The following PLAC1 variants were observed in gnomAD, a reference collection of about 807,000 sequenced individuals.
PLAC1 encodes placenta associated 1.
For missense variants in PLAC1, 136 were observed against 163.2 expected, an observed-to-expected ratio of 0.83 and a Z score of 0.91; for synonymous variants, 68 against 62.1, an observed-to-expected ratio of 1.09 and a Z score of -0.44.
At chrX:134,672,405 T>C (rs2078458716) in intron 2 of PLAC1, among the ~76,000 whole-genome samples, 2 of 111,919 alleles carry the variant, frequency 1.8e-5, no homozygotes, top group African/African-American at 3.3e-5. Flanking sequence ...CTGAGTTCTC[T>C]TGTGTACTTC....
At chrX:134,628,117 G>C (rs1264946376) in intron 1 of PLAC1, among the ~76,000 whole-genome samples, 1 of 112,168 alleles carries the variant, frequency 8.9e-6, no homozygotes, top group Non-Finnish European at 1.9e-5. Flanking sequence ...CATCGTAAGT[G>C]CTCAATAAAT....
At chrX:134,684,779 G>A (rs1385386595) in intron 2 of PLAC1, among the ~76,000 whole-genome samples, 1 of 112,175 alleles carries the variant, frequency 8.9e-6, no homozygotes, top group Non-Finnish European at 1.9e-5. Context: ...ATTTCTGCCA[G>A]CATAATGGCT....
At chrX:134,608,734 G>A (rs1274750017) in intron 1 of PLAC1, among the ~76,000 whole-genome samples, 2 of 103,819 alleles carry the variant, frequency 1.9e-5, no homozygotes, top group Non-Finnish European at 2.0e-5. Flanking sequence ...GGAGTGCAGT[G>A]GCGCCATCTC....
intron 2 of PLAC1, among the ~76,000 whole-genome samples, chrX:134,692,729 C>T (rs930311300): frequency 2.1e-4 from 24 of 111,637 alleles, no homozygotes; most frequent in Admixed American, 2.0e-3. Context: ...TCAGAGTCCA[C>T]AATGTGCTAA....
Position 134,622,188 on chromosome X carries a change from C to T in PLAC1, c.-130-20066G>A, listed in dbSNP as rs1157603771. On this transcript the variant is annotated intron_variant, in intron 1 of 2. Coordinates refer to ENST00000359237, the MANE Select transcript of PLAC1 (RefSeq NM_021796.4). ...GACCAAAATGGTGCCGAGACAGCCA[C>T]AATGTTGTTTAGAAAAAAGAAAGGA... Among the ~76,000 whole-genome samples, 3 of 111,662 alleles carry T rather than the reference C, an allele frequency of 2.7e-5. 1 individual carries two copies. Among genetic ancestry groups the T allele is most frequent in the Non-Finnish European group, 5.6e-5 (3 of 53,162 alleles).
intron 2 of PLAC1, among the ~76,000 whole-genome samples, chrX:134,676,205 G>A (rs1008704098): frequency 4.5e-5 from 5 of 111,388 alleles, no homozygotes; most frequent in Non-Finnish European, 1.9e-5. Flanking sequence ...TTGGCCCGGG[G>A]CCTCATTGGA....
intron 1 of PLAC1, among the ~76,000 whole-genome samples, chrX:134,628,324 A>G (rs753063088): frequency 5.4e-5 from 6 of 111,960 alleles, no homozygotes; most frequent in African/African-American, 1.9e-4. Flanking sequence ...AAGGCTGTGC[A>G]TCTCTCTTGT....
At chrX:134,574,071 GTCTC>G (rs757647872) in intron 2 of PLAC1, among the ~76,000 whole-genome samples, 76 of 99,801 alleles carry the variant, frequency 7.6e-4, no homozygotes, top group Middle Eastern at 4.9e-3. Context: ...CTCTCTCTCT[GTCTC>G]TCTCTCTCTC....
At chrX:134,598,940 T>C (rs191938636) in intron 2 of PLAC1, among the ~76,000 whole-genome samples, 94 of 111,624 alleles carry the variant, frequency 8.4e-4, no homozygotes, top group African/African-American at 2.9e-3. Flanking sequence ...AAGATTATAC[T>C]AGAAAAACCC....
At chrX:134,621,357 A>G (rs2078209135) in intron 1 of PLAC1, among the ~76,000 whole-genome samples, 1 of 102,542 alleles carries the variant, frequency 9.8e-6, no homozygotes, top group South Asian at 4.9e-4. Flanking sequence ...GAGGCAGGAG[A>G]ATCGCTTGAA....
chrX:134,683,549 T>G (rs1201312563), intron 2 of PLAC1, among the ~76,000 whole-genome samples: 1 of 111,806 alleles, frequency 8.9e-6, no homozygotes, highest in Non-Finnish European at 1.9e-5. Context: ...GAACCATTTA[T>G]CTTTCTCTGC....
chrX:134,638,803 G>A (rs1230656678), intron 1 of PLAC1, among the ~76,000 whole-genome samples: 1 of 110,427 alleles, frequency 9.1e-6, no homozygotes, highest in Non-Finnish European at 1.9e-5. Flanking sequence ...TTTATTTTAG[G>A]TTCAGGAGTA....
At chrX:134,751,814 T>C (rs2078745580) in intron 1 of PLAC1, among the ~76,000 whole-genome samples, 1 of 112,320 alleles carries the variant, frequency 8.9e-6, no homozygotes, top group South Asian at 3.7e-4. Context: ...CACTTGCCTT[T>C]AACTATCTGC....
rs112579469 is a variant in PLAC1 at position 134,611,852 on chromosome X, C to T, written c.-130-9730G>A. 8.9e-3 allele frequency among the ~76,000 whole-genome samples: 985 copies of T among 111,039 alleles called. 4 individuals carry two copies. The highest frequency in any genetic ancestry group is 0.03 in the African/African-American group (913 of 30,482). On this transcript the variant is annotated intron_variant, in intron 1 of 2. Transcript: ENST00000359237. ...GCCCAACTCTAGGTCACACTTGAAC[C>T]CCTGGGCTTAGAAGCAGCTCCATGG...
At chrX:134,756,700 T>A (rs1389653529) in intron 1 of PLAC1, among the ~76,000 whole-genome samples, 1 of 109,524 alleles carries the variant, frequency 9.1e-6, no homozygotes, top group African/African-American at 3.3e-5. Context: ...ATACAAAAAA[T>A]TGGCCAGGCG....
At chrX:134,598,027 T>C (rs2078070165) in intron 2 of PLAC1, among the ~76,000 whole-genome samples, 1 of 111,713 alleles carries the variant, frequency 9.0e-6, no homozygotes, top group Admixed American at 9.5e-5. Flanking sequence ...TTGTCTTATG[T>C]TTGTTGTATA....
At chrX:134,685,591 T>C (rs1329946487) in intron 2 of PLAC1, among the ~76,000 whole-genome samples, 1 of 109,507 alleles carries the variant, frequency 9.1e-6, no homozygotes, top group African/African-American at 3.3e-5. Context: ...AGCTTGGGTT[T>C]AAAAGCCAAT....
chrX:134,621,276 T>C (rs186566865), intron 1 of PLAC1, among the ~76,000 whole-genome samples: 200 of 108,609 alleles, frequency 1.8e-3, no homozygotes, highest in Non-Finnish European at 2.9e-3. Context: ...TGAAATCCCA[T>C]CTCTACTAAA....
chrX:134,593,018 C>T (rs751133842), intron 2 of PLAC1, among the ~76,000 whole-genome samples: 3 of 111,141 alleles, frequency 2.7e-5, no homozygotes, highest in African/African-American at 9.8e-5. Context: ...TGAGCCACCG[C>T]GCCCAGCGCT....
Sources: gnomAD v4.1 joint callset for allele counts (sites outside exome capture counted in the v4.1 genomes callset) on GRCh38, gnomAD v4.1.1 for gene constraint, MANE v1.5 for transcripts, NCBI Gene and HGNC (gene_info 2026-07-23, HGNC 2026-07-21) for gene names.